The following N4BP2L2 variants were observed in gnomAD, a reference collection of about 807,000 sequenced individuals.
N4BP2L2 encodes the protein NEDD4 binding protein 2 like 2.
N4BP2L2 carries 50 observed loss-of-function variants against 56.2 expected under a neutral mutation model. The observed-to-expected ratio is 0.89, with a 90% confidence interval of 0.71 to 1.13. N4BP2L2 has a LOEUF of 1.13. Among genes scored for constraint, N4BP2L2 ranks in the 50% most tolerant of loss-of-function variants. The pLI, the probability that N4BP2L2 is intolerant of heterozygous loss-of-function variation, is 0.00. For missense variants in N4BP2L2, 689 were observed against 693.8 expected (o/e 0.99, Z 0.08); for synonymous variants, 203 against 223.6 (o/e 0.91, Z 0.82).
intron 6 of N4BP2L2, among the ~76,000 whole-genome samples, chr13:32,480,008 A>AT (rs200916200): frequency 4.6e-5 from 7 of 152,258 alleles, no homozygotes; most frequent in Non-Finnish European, 1.0e-4. Flanking sequence ...CATCCCACAG[A>AT]TTAAAAAAAA....
exon 6 of N4BP2L2, chr13:32,517,540 C>T: frequency 8.4e-7 from 1 of 1,185,222 alleles, no homozygotes; most frequent in East Asian, 4.4e-5. Flanking sequence ...AACATCCTAG[C>T]TCCTACCCAC....
intron 6 of N4BP2L2, among the ~76,000 whole-genome samples, chr13:32,463,018 G>C (rs994664697): frequency 6.6e-6 from 1 of 151,968 alleles, no homozygotes; most frequent in Non-Finnish European, 1.5e-5. Context: ...ACTCCAACCT[G>C]TGTGACAGAG....
chr13:32,533,166 C>A (rs1409930121), intron 2 of N4BP2L2, among the ~76,000 whole-genome samples: 1 of 152,122 alleles, frequency 6.6e-6, no homozygotes, highest in Non-Finnish European at 1.5e-5. Flanking sequence ...ACATACCAAA[C>A]AAACTTTATA....
chr13:32,470,703 C>T (rs1041062779), intron 6 of N4BP2L2, among the ~76,000 whole-genome samples: 54 of 152,298 alleles, frequency 3.5e-4, no homozygotes, highest in African/African-American at 1.3e-3. Flanking sequence ...GGTAACAAGC[C>T]CCCAGAATGG....
At chr13:32,442,759 T>C (rs935017556) in exon 7 of N4BP2L2, 2 of 1,613,312 alleles carry the variant, frequency 1.2e-6, no homozygotes, top group South Asian at 1.1e-5. Flanking sequence ...AGGAATATAA[T>C]TTTTGTATAA....
At chr13:32,492,383 C>T (rs1292259093) in intron 6 of N4BP2L2, among the ~76,000 whole-genome samples, 6 of 147,456 alleles carry the variant, frequency 4.1e-5, no homozygotes, top group Admixed American at 6.9e-5. Flanking sequence ...CCCGGATTCA[C>T]GCCATTCCCC....
At chr13:32,446,579 A>T in intron 6 of N4BP2L2, 4 of 1,225,008 alleles carry the variant, frequency 3.3e-6, no homozygotes, top group Non-Finnish European at 4.2e-6. Flanking sequence ...GACTCACTGC[A>T]GCACTGGTGA....
downstream of N4BP2L2, chr13:32,507,643 T>G (rs1305031491): frequency 1.3e-5 from 2 of 151,252 alleles, no homozygotes; most frequent in Admixed American, 1.3e-4. Context: ...GAAATAACAG[T>G]TAGAGCTTTT....
chr13:32,464,972 T>G (rs976180611), intron 6 of N4BP2L2, among the ~76,000 whole-genome samples: 3 of 148,770 alleles, frequency 2.0e-5, no homozygotes, highest in African/African-American at 7.4e-5. Context: ...TTCTTGTTTG[T>G]TTTTTTTTTC....
chr13:32,521,472 A>T (rs373061322), intron 4 of N4BP2L2, 23 bp from the exon 5 acceptor site: 22 of 1,538,208 alleles, frequency 1.4e-5, no homozygotes, highest in African/African-American at 2.8e-5. Flanking sequence ...AAGGAAGAAA[A>T]CAAAAACCCA....
chr13:32,536,313 A>C (rs753846406), exon 2 of N4BP2L2: 3 of 1,613,768 alleles, frequency 1.9e-6, no homozygotes, highest in African/African-American at 1.3e-5. Context: ...TCATTCCCCA[A>C]GTTCTGCTGA....
chr13:32,486,859 C>T (rs1054443391), intron 6 of N4BP2L2, among the ~76,000 whole-genome samples: 4 of 151,572 alleles, frequency 2.6e-5, no homozygotes, highest in South Asian at 2.1e-4. Context: ...ATTAGCCAGG[C>T]GTGGTGGCAT....
At position 32,449,192 on chromosome 13, in the gene N4BP2L2, C is replaced by G. The variant is rs374896489; in HGVS notation, c.366-5066G>C. 7.0e-4 allele frequency among the ~76,000 whole-genome samples: 107 copies of G among 152,288 alleles called. 2 individuals are homozygous for G. In the South Asian group the frequency reaches 0.021, roughly 30 times the overall value. On this transcript the variant is annotated intron_variant, in intron 6 of 9. Coordinates refer to the N4BP2L2 transcript ENST00000357505. ...ACCCTTTTGCTGTCACTGTTTAGAA[C>G]TGTATATTTATAAGGAGTCAGATGG...
At chr13:32,517,710 CT>C (rs1045185394) in exon 6 of N4BP2L2, 5 of 1,483,222 alleles carry the variant, frequency 3.4e-6, no homozygotes, top group Non-Finnish European at 3.6e-6. Context: ...GCACTGTAGC[CT>C]TTTTTTATTT....
At chr13:32,443,684 C>G (rs749639431) in exon 7 of N4BP2L2, 6 of 1,607,234 alleles carry the variant, frequency 3.7e-6, no homozygotes, top group Non-Finnish European at 5.1e-6. Flanking sequence ...TCAGTTGTTA[C>G]ACAGGAAAGG....
At chr13:32,495,650 C>A (rs2088402248) in intron 6 of N4BP2L2, among the ~76,000 whole-genome samples, 1 of 152,098 alleles carries the variant, frequency 6.6e-6, no homozygotes, top group Non-Finnish European at 1.5e-5. Context: ...GCAGGAGACA[C>A]CAGTGGCAGT....
chr13:32,503,983 GA>G (rs998743589), intron 6 of N4BP2L2, among the ~76,000 whole-genome samples: 3 of 152,108 alleles, frequency 2.0e-5, no homozygotes, highest in Non-Finnish European at 4.4e-5. Flanking sequence ...CAGCCTGGGT[GA>G]AAGAAAAAGA....
At chr13:32,514,172 CA>C (rs1164194522) in exon 6 of N4BP2L2, 1 of 151,480 alleles carries the variant, frequency 6.6e-6, no homozygotes, top group Non-Finnish European at 1.5e-5. Flanking sequence ...TTAAAACAGA[CA>C]AAAATATAAA....
At chr13:32,433,115 T>C (rs1402021593) in intron 9 of N4BP2L2, 1 of 152,270 alleles carries the variant, frequency 6.6e-6, no homozygotes, top group Non-Finnish European at 1.5e-5. Flanking sequence ...TCTACACTGC[T>C]TAGTCCTGCC....
Sources: gnomAD v4.1 joint callset for allele counts (sites outside exome capture counted in the v4.1 genomes callset) on GRCh38, gnomAD v4.1.1 for gene constraint, MANE v1.5 for transcripts, NCBI Gene and HGNC (gene_info 2026-07-23, HGNC 2026-07-21) for gene names.